Variants in TMEM132D observed in about 807,000 individuals in gnomAD.
The protein encoded by TMEM132D is transmembrane protein 132D.
Under a neutral mutation model 62.3 loss-of-function variants are expected in TMEM132D, and 21 were observed. The observed-to-expected ratio is 0.34, with a 90% CI of 0.24 to 0.49. The LOEUF is 0.49. Among genes scored for constraint, TMEM132D ranks in the 20% least tolerant of loss-of-function variants. TMEM132D has a pLI of 0.99. For missense variants in TMEM132D, 1,346 were observed against 1,402.8 expected, an observed-to-expected ratio of 0.96 and a Z score of 0.65; for synonymous variants, 621 against 575.6, an observed-to-expected ratio of 1.08 and a Z score of -1.13.
chr12:129,391,654 C>T (rs1308892148), intron 3 of TMEM132D, among the ~76,000 whole-genome samples: 1 of 152,188 alleles, frequency 6.6e-6, no homozygotes, highest in East Asian at 1.9e-4. Context: ...AAATCATCAG[C>T]AGTGCTTTAA....
intron 3 of TMEM132D, among the ~76,000 whole-genome samples, chr12:129,451,536 T>C (rs1026834848): frequency 6.6e-6 from 1 of 152,194 alleles, no homozygotes; most frequent in Non-Finnish European, 1.5e-5. Context: ...AGAACTAGTA[T>C]GTGGATACTA....
chr12:129,401,565 C>T (rs533792380), intron 3 of TMEM132D, among the ~76,000 whole-genome samples: 39 of 151,706 alleles, frequency 2.6e-4, no homozygotes, highest in Non-Finnish European at 7.4e-5. Flanking sequence ...CGAGACGCTG[C>T]CTTAAAAAAA....
chr12:129,227,207 T>C (rs1879502638), intron 4 of TMEM132D, among the ~76,000 whole-genome samples: 1 of 150,266 alleles, frequency 6.7e-6, no homozygotes. Flanking sequence ...GATTTTTATT[T>C]ATTATGTTAA....
intron 1 of TMEM132D, among the ~76,000 whole-genome samples, chr12:129,705,827 C>G (rs546673072): frequency 6.6e-6 from 1 of 152,134 alleles, no homozygotes; most frequent in South Asian, 2.1e-4. Flanking sequence ...AATCCAAACA[C>G]TATAAGTAAT....
rs144557593 is a variant in TMEM132D, at chr12:129,127,900, G to A, written c.1444-43198C>T. On this transcript the variant is annotated intron_variant, in intron 5 of 8. Coordinates refer to ENST00000422113, the MANE Select transcript of TMEM132D (RefSeq NM_133448.3). ...GCAGACGAGGCCGGCACTCACCTCT[G>A]CGGCCTCAAGTATTTCTTGCTACGC... is the stretch of plus-strand genomic sequence containing the variant. Among the ~76,000 whole-genome samples, 25 of 152,330 alleles carry A rather than the reference G, an allele frequency of 1.6e-4. No individual in the cohort carries two copies. The East Asian group carries it at 4.0e-3, about 25-fold the overall frequency.
At chr12:129,076,227 G>A (rs1874251791) in intron 8 of TMEM132D, among the ~76,000 whole-genome samples, 1 of 152,200 alleles carries the variant, frequency 6.6e-6, no homozygotes, top group African/African-American at 2.4e-5. Context: ...GTTTGGGCAT[G>A]GCATTTATCC....
At chr12:129,765,586 C>T (rs878933467) in intron 1 of TMEM132D, among the ~76,000 whole-genome samples, 2 of 149,908 alleles carry the variant, frequency 1.3e-5, no homozygotes, top group African/African-American at 4.9e-5. Flanking sequence ...AAAAAAAGAC[C>T]CAGAAAAAAA....
intron 2 of TMEM132D, among the ~76,000 whole-genome samples, chr12:129,567,233 G>T (rs948934257): frequency 4.6e-5 from 7 of 152,146 alleles, no homozygotes; most frequent in African/African-American, 1.4e-4. Context: ...TTTTGATATT[G>T]TAAAATGAAA....
chr12:129,309,539 T>C (rs1041547040), intron 4 of TMEM132D, among the ~76,000 whole-genome samples: 1 of 152,166 alleles, frequency 6.6e-6, no homozygotes, highest in African/African-American at 2.4e-5. Context: ...AAAGATCCTA[T>C]GTAGACAGTT....
intron 1 of TMEM132D, among the ~76,000 whole-genome samples, chr12:129,776,984 TTTA>T (rs1870956000): frequency 6.6e-6 from 1 of 152,230 alleles, no homozygotes; most frequent in Non-Finnish European, 1.5e-5. Context: ...TGTGTTCTTT[TTTA>T]TTAACAAAGG....
At chr12:129,698,238 A>C (rs1881252979) in intron 2 of TMEM132D, 2 of 152,060 alleles carry the variant, frequency 1.3e-5, no homozygotes, top group South Asian at 4.2e-4. Context: ...GAAGGACGGA[A>C]GGGAACGCTA....
At chr12:129,724,048 G>T (rs552347692) in intron 1 of TMEM132D, among the ~76,000 whole-genome samples, 1 of 152,230 alleles carries the variant, frequency 6.6e-6, no homozygotes, top group Admixed American at 6.5e-5. Flanking sequence ...ACATCACCAG[G>T]GACTTTATAA....
chr12:129,597,329 C>A (rs1258329712), intron 2 of TMEM132D, among the ~76,000 whole-genome samples: 2 of 152,018 alleles, frequency 1.3e-5, no homozygotes, highest in African/African-American at 2.4e-5. Context: ...ACATTGGTAA[C>A]CAGAATGTCA....
intron 1 of TMEM132D, among the ~76,000 whole-genome samples, chr12:129,884,594 A>T (rs936424934): frequency 1.3e-4 from 20 of 152,266 alleles, no homozygotes; most frequent in Admixed American, 8.5e-4. Context: ...AATGGCTACA[A>T]TAAAATTACA....
In TMEM132D at chr12:129,531,119, G is replaced by C. The variant is rs779786583; in HGVS notation, c.1055C>G (p.Thr352Ser). ...IWDVKERTDY[T>S]GKYAPAVIVC... is the part of the protein sequence containing the mutation. ...GATGACAGCTGGTGCATACTTTCCAGTATAATCCGTGCGCTCCTTGACATC... is the reference window on the plus strand; with the variant it reads ...GATGACAGCTGGTGCATACTTTCCACTATAATCCGTGCGCTCCTTGACATC... Residue 352 changes from threonine (T) to serine (S), a missense_variant, in exon 3 of 9, where the codon ACT (threonine) becomes AGT (serine). Thr to Ser is a moderately conservative substitution (Grantham distance 58). Transcript: ENST00000422113. 3.7e-6 allele frequency: 6 copies of C among 1,613,910 alleles called. No homozygotes were observed. The African/African-American group carries it at 8.0e-5, about 22-fold the overall frequency.
intron 5 of TMEM132D, among the ~76,000 whole-genome samples, chr12:129,130,060 T>C (rs1296014004): frequency 6.6e-6 from 1 of 151,904 alleles, no homozygotes; most frequent in East Asian, 1.9e-4. Context: ...TGTGTTTATT[T>C]ATGCAGTGGA....
intron 3 of TMEM132D, among the ~76,000 whole-genome samples, chr12:129,421,531 A>G (rs1188575786): frequency 6.6e-6 from 1 of 152,196 alleles, no homozygotes; most frequent in Non-Finnish European, 1.5e-5. Context: ...TTCCAGAACA[A>G]CTATCCTCCC....
intron 5 of TMEM132D, among the ~76,000 whole-genome samples, chr12:129,167,170 AC>A (rs750581612): frequency 0.012 from 636 of 51,268 alleles, 18 homozygotes; most frequent in Admixed American, 0.074. Context: ...AAAAAAAAAA[AC>A]AAAAAAAAAA....
At chr12:129,760,652 T>C (rs1048427328) in intron 1 of TMEM132D, among the ~76,000 whole-genome samples, 50 of 151,342 alleles carry the variant, frequency 3.3e-4, no homozygotes, top group African/African-American at 1.1e-3. Flanking sequence ...CGGACTTTTT[T>C]TTTTTTTCTT....
Sources: allele counts gnomAD v4.1 joint callset (sites outside exome capture counted in the v4.1 genomes callset), GRCh38; gene constraint gnomAD v4.1.1; transcripts MANE v1.5; gene names NCBI Gene and HGNC (gene_info 2026-07-23, HGNC 2026-07-21).